Variants in SCFD2 observed in about 807,000 individuals in gnomAD.
SCFD2 encodes sec1 family domain-containing protein 2.
A neutral mutation model predicts 58.9 loss-of-function variants in SCFD2; 54 were observed. That is an observed-to-expected ratio of 0.92 (90% CI 0.74 to 1.15). SCFD2 has a LOEUF of 1.15. Among genes scored for constraint, SCFD2 ranks in the 50% most tolerant of loss-of-function variants. SCFD2 has a pLI of 0.00. For missense variants in SCFD2, 805 were observed against 836.6 expected (o/e 0.96, Z 0.47); for synonymous variants, 321 against 335.9 (o/e 0.96, Z 0.49).
chr4:53,294,645 T>C (rs1731959701), intron 3 of SCFD2, among the ~76,000 whole-genome samples: 1 of 152,242 alleles, frequency 6.6e-6, no homozygotes, highest in Non-Finnish European at 1.5e-5. Flanking sequence ...TTAGTCTAAT[T>C]GGATCCCATT....
At chr4:53,146,738 T>G (rs1428838602) in intron 4 of SCFD2, among the ~76,000 whole-genome samples, 1 of 152,228 alleles carries the variant, frequency 6.6e-6, no homozygotes, top group African/African-American at 2.4e-5. Flanking sequence ...ATAAGATATT[T>G]TGAGACAGAG....
chr4:53,259,612 G>T (rs1187831642), intron 4 of SCFD2, among the ~76,000 whole-genome samples: 1 of 152,120 alleles, frequency 6.6e-6, no homozygotes, highest in African/African-American at 2.4e-5. Context: ...ATGCTGTTTT[G>T]GTGGCTATGG....
intron 5 of SCFD2, among the ~76,000 whole-genome samples, chr4:53,129,519 T>A (rs1725727781): frequency 6.6e-6 from 1 of 152,244 alleles, no homozygotes; most frequent in Admixed American, 6.5e-5. Flanking sequence ...CATTCTCACA[T>A]CATAAAATAA....
At chr4:53,103,510 T>A (rs1427528534) in intron 5 of SCFD2, among the ~76,000 whole-genome samples, 1 of 149,996 alleles carries the variant, frequency 6.7e-6, no homozygotes, top group African/African-American at 2.4e-5. Context: ...TTCATAAAAA[T>A]ATTTATAGAT....
At chr4:53,084,476 G>A (rs1442446500) in intron 5 of SCFD2, among the ~76,000 whole-genome samples, 2 of 152,172 alleles carry the variant, frequency 1.3e-5, no homozygotes, top group Admixed American at 6.6e-5. Context: ...AGTTTGTACA[G>A]TTAACCCAAT....
At chr4:53,025,437 T>G (rs1190816745) in intron 5 of SCFD2, among the ~76,000 whole-genome samples, 1 of 152,202 alleles carries the variant, frequency 6.6e-6, no homozygotes, top group East Asian at 1.9e-4. Context: ...AAAACATATA[T>G]TCTCCATGCT....
chr4:53,255,713 C>T (rs1201075800), intron 4 of SCFD2, among the ~76,000 whole-genome samples: 3 of 152,226 alleles, frequency 2.0e-5, no homozygotes, highest in African/African-American at 7.2e-5. Flanking sequence ...GGCCCGTTCT[C>T]AATGAGCTGT....
intron 5 of SCFD2, among the ~76,000 whole-genome samples, chr4:52,988,734 A>G (rs1210763480): frequency 1.3e-5 from 2 of 152,172 alleles, no homozygotes; most frequent in African/African-American, 4.8e-5. Context: ...ACTGAGGTAC[A>G]CTGACTCAGA....
intron 5 of SCFD2, among the ~76,000 whole-genome samples, chr4:52,975,375 C>G (rs777127947): frequency 1.3e-5 from 2 of 152,198 alleles, no homozygotes; most frequent in Non-Finnish European, 2.9e-5. Context: ...TGAACAGACA[C>G]TTCTCAAAGG....
chr4:53,229,826 G>C (rs1160887073), intron 4 of SCFD2, among the ~76,000 whole-genome samples: 1 of 152,164 alleles, frequency 6.6e-6, no homozygotes, highest in East Asian at 1.9e-4. Flanking sequence ...CCATCAGAGT[G>C]AACAGGCAAC....
chr4:53,353,980 C>A (rs1734320762), intron 1 of SCFD2, among the ~76,000 whole-genome samples: 1 of 152,254 alleles, frequency 6.6e-6, no homozygotes, highest in Non-Finnish European at 1.5e-5. Flanking sequence ...CATAAAAGTT[C>A]TCTAAGTCCC....
intron 4 of SCFD2, among the ~76,000 whole-genome samples, chr4:53,186,918 C>G (rs1480755408): frequency 2.0e-5 from 3 of 152,026 alleles, no homozygotes; most frequent in Non-Finnish European, 4.4e-5. Flanking sequence ...TAATGACTAT[C>G]AGGCTCTCAA....
intron 5 of SCFD2, among the ~76,000 whole-genome samples, chr4:52,986,491 AT>A (rs369944739): frequency 0.16 from 13,659 of 84,666 alleles, 291 homozygotes; most frequent in Middle Eastern, 0.27. Flanking sequence ...TCTTCATGAA[AT>A]TTTTTTTTTT....
chr4:52,874,047 G>A lies in SCFD2; in HGVS notation c.1977C>T (p.Ser659=). ...LKPGTQVIVL[S]TRLLKPLNIP... is the part of the protein sequence containing the mutation. ...TGTTAAGTGGCTTCAGGAGTCGTGT[G>A]GACAGCACGATTACCTAACAACAGG... The change falls in exon 9 of 9, where the codon TCC becomes TCT. Residue 659 remains serine (S), a synonymous_variant. Coordinates refer to ENST00000401642, the MANE Select transcript of SCFD2 (RefSeq NM_152540.4). 6.2e-7 allele frequency: 1 copy of A among 1,613,304 alleles called. No individual in the cohort carries two copies. The highest frequency in any genetic ancestry group is 8.5e-7 in the Non-Finnish European group (1 of 1,179,286).
At chr4:53,326,044 A>C (rs1193982547) in intron 2 of SCFD2, among the ~76,000 whole-genome samples, 2 of 152,244 alleles carry the variant, frequency 1.3e-5, no homozygotes, top group Non-Finnish European at 2.9e-5. Context: ...TTGCCACATT[A>C]GCAGATGACA....
chr4:53,272,617 C>T (rs1165926254), intron 4 of SCFD2, among the ~76,000 whole-genome samples: 1 of 151,386 alleles, frequency 6.6e-6, no homozygotes, highest in Non-Finnish European at 1.5e-5. Context: ...AACCAAACAC[C>T]GCATGTTCTC....
chr4:53,122,539 T>C (rs1258383440), intron 5 of SCFD2, among the ~76,000 whole-genome samples: 1 of 151,948 alleles, frequency 6.6e-6, no homozygotes, highest in South Asian at 2.1e-4. Flanking sequence ...CAAAGAGAAA[T>C]AAGCAGAATA....
At chr4:53,325,385 A>G (rs997500487) in intron 2 of SCFD2, among the ~76,000 whole-genome samples, 9 of 152,198 alleles carry the variant, frequency 5.9e-5, no homozygotes, top group Admixed American at 5.9e-4. Context: ...TAATGATTGC[A>G]CCATTCAATC....
intron 5 of SCFD2, among the ~76,000 whole-genome samples, chr4:52,924,274 G>T (rs200235055): frequency 6.6e-6 from 1 of 152,072 alleles, no homozygotes; most frequent in East Asian, 1.9e-4. Flanking sequence ...ATACATGAAA[G>T]TTATGGATTA....
Sources: gnomAD v4.1 joint callset for allele counts (sites outside exome capture counted in the v4.1 genomes callset) on GRCh38, gnomAD v4.1.1 for gene constraint, MANE v1.5 for transcripts, NCBI Gene and HGNC (gene_info 2026-07-23, HGNC 2026-07-21) for gene names.